DPF3: variants seen among roughly 807,000 people sequenced by gnomAD.
DPF3 encodes the protein zinc finger protein DPF3.
Under a neutral mutation model 56.8 loss-of-function variants are expected in DPF3, and 18 were observed. The observed-to-expected ratio is 0.32, with a 90% CI of 0.22 to 0.47. DPF3 has a LOEUF of 0.47. Ranked by LOEUF, DPF3 falls within the 20% of genes least tolerant of loss-of-function variation. The pLI, the probability that DPF3 is intolerant of heterozygous loss-of-function variation, is 1.00. For synonymous variants in DPF3, 188 were observed against 180.2 expected, an observed-to-expected ratio of 1.04 and a Z score of -0.35; for missense variants, 403 against 488.8, an observed-to-expected ratio of 0.82 and a Z score of 1.65.
intron 5 of DPF3, 131 bp from the exon 6 acceptor site, chr14:72,714,632 G>A (rs552320214): frequency 5.1e-6 from 5 of 987,582 alleles, no homozygotes; most frequent in Admixed American, 2.4e-5. Context: ...ATCTTACAGG[G>A]GAGGAAACTG....
At chr14:72,866,205 T>C (rs1427981964) in intron 1 of DPF3, among the ~76,000 whole-genome samples, 1 of 152,062 alleles carries the variant, frequency 6.6e-6, no homozygotes, top group African/African-American at 2.4e-5. Flanking sequence ...ACCAGGCACA[T>C]TCCCACCACC....
chr14:72,881,330 T>C (rs929979392), intron 1 of DPF3, among the ~76,000 whole-genome samples: 10 of 145,108 alleles, frequency 6.9e-5, no homozygotes, highest in South Asian at 2.1e-4. Flanking sequence ...GTTGTTGTTG[T>C]TGTTGCTGTT....
At chr14:72,749,846 T>G (rs184538470) in intron 3 of DPF3, among the ~76,000 whole-genome samples, 1,586 of 122,848 alleles carry the variant, frequency 0.013, 25 homozygotes, top group African/African-American at 0.046. Context: ...AGACCCTGTT[T>G]AAAAAAAAAA....
intron 1 of DPF3, among the ~76,000 whole-genome samples, chr14:72,821,839 C>G (rs1450631070): frequency 7.5e-5 from 3 of 40,114 alleles, no homozygotes; most frequent in Non-Finnish European, 1.4e-4. Flanking sequence ...GAGCTCATCT[C>G]CACTAAATTT....
At chr14:72,885,011 C>T (rs1390036710) in intron 1 of DPF3, among the ~76,000 whole-genome samples, 2 of 121,058 alleles carry the variant, frequency 1.7e-5, no homozygotes, top group Non-Finnish European at 3.5e-5. Context: ...CCCAGCTACT[C>T]GGGAGGCTGA....
At chr14:72,857,154 A>G (rs545863603) in intron 1 of DPF3, among the ~76,000 whole-genome samples, 31 of 152,110 alleles carry the variant, frequency 2.0e-4, no homozygotes, top group Non-Finnish European at 4.1e-4. Context: ...GCTTAGAATA[A>G]CTATTTGCTA....
At chr14:72,802,788 T>G (rs1892940847) in intron 1 of DPF3, among the ~76,000 whole-genome samples, 1 of 152,242 alleles carries the variant, frequency 6.6e-6, no homozygotes, top group South Asian at 2.1e-4. Flanking sequence ...ATGTGAGTGC[T>G]ATTCCTCACG....
chr14:72,747,670 G>A (rs959430029), intron 3 of DPF3, among the ~76,000 whole-genome samples: 8 of 151,294 alleles, frequency 5.3e-5, no homozygotes, highest in African/African-American at 1.9e-4. Context: ...TTGGCTCTGT[G>A]TCCCCATCCA....
In DPF3 at chr14:72,761,319, G is replaced by T. The variant is rs1459825867; in HGVS notation, c.194-7948C>A. 2.0e-5 allele frequency among the ~76,000 whole-genome samples: 3 copies of T among 151,980 alleles called. No individual in the cohort carries two copies. The East Asian group carries it at 5.8e-4, about 29-fold the overall frequency. On this transcript the variant is annotated intron_variant, in intron 2 of 10. Coordinates refer to ENST00000556509, the MANE Select transcript of DPF3 (RefSeq NM_001280542.3). Reference sequence around the variant, plus strand: ...TATTTACCAAGGTAGACCACATTTGGTGCCATAAAACAAGTTGCAATAAAT... The same window carrying T: ...TATTTACCAAGGTAGACCACATTTGTTGCCATAAAACAAGTTGCAATAAAT...
chr14:72,699,346 C>T (rs1230784361), intron 6 of DPF3, among the ~76,000 whole-genome samples: 1 of 151,672 alleles, frequency 6.6e-6, no homozygotes, highest in Non-Finnish European at 1.5e-5. Context: ...ATAGCAAGGC[C>T]CCATCTCTGC....
Position 72,609,927 on chromosome 14 carries a change from C to T in DPF3, c.*9370G>A, listed in dbSNP as rs564220729. On this transcript the variant is annotated 3_prime_UTR_variant, in exon 11 of 11. Coordinates refer to ENST00000556509, the MANE Select transcript of DPF3 (RefSeq NM_001280542.3). ...AAAACCTCATCTGCAAGAGGCAATG[C>T]GGCGTTGGGTCCCAAGGATCAGTGG... 2.6e-5 allele frequency among the ~76,000 whole-genome samples: 4 copies of T among 152,210 alleles called. No homozygotes were observed. The highest frequency in any genetic ancestry group is 6.5e-5 in the Admixed American group (1 of 15,282).
chr14:72,775,854 GTTAA>G (rs1424648882), intron 1 of DPF3, among the ~76,000 whole-genome samples: 5 of 152,070 alleles, frequency 3.3e-5, no homozygotes, highest in Non-Finnish European at 7.4e-5. Context: ...TTCTCCAAAA[GTTAA>G]TTAGCCAAAA....
chr14:72,881,973 G>A (rs913744741), intron 1 of DPF3, among the ~76,000 whole-genome samples: 3 of 152,172 alleles, frequency 2.0e-5, no homozygotes, highest in African/African-American at 7.2e-5. Context: ...GGATGAAGAG[G>A]TATTGTCTGA....
intron 1 of DPF3, among the ~76,000 whole-genome samples, chr14:72,800,369 AATAG>A (rs1892821632): frequency 7.3e-6 from 1 of 136,140 alleles, no homozygotes; most frequent in Non-Finnish European, 1.6e-5. Context: ...TAGATGGATA[AATAG>A]ATAAATGGAT....
intron 1 of DPF3, among the ~76,000 whole-genome samples, chr14:72,805,356 G>A (rs1247008967): frequency 6.6e-6 from 1 of 152,006 alleles, no homozygotes; most frequent in Non-Finnish European, 1.5e-5. Flanking sequence ...TGTAATCCCA[G>A]CTACTCAGGA....
intron 1 of DPF3, among the ~76,000 whole-genome samples, chr14:72,809,483 C>T (rs1490587934): frequency 6.6e-6 from 1 of 152,210 alleles, no homozygotes; most frequent in East Asian, 1.9e-4. Context: ...AACTTATGTG[C>T]AGGCATGATG....
Position 72,701,515 on chromosome 14 carries a change from C to T in DPF3, c.605-8302G>A, listed in dbSNP as rs79376637. 1.4e-3 allele frequency among the ~76,000 whole-genome samples: 214 copies of T among 152,316 alleles called. 8 individuals carry two copies. The East Asian group carries it at 0.026, about 19-fold the overall frequency. ...TATTTACTGCACGCCCCCTGCCCTC[C>T]TTCAAACCTACCCCACTCCTAGTCT... On this transcript the variant is annotated intron_variant, in intron 6 of 10. Transcript: ENST00000556509.
chr14:72,765,788 A>G (rs1281426101), intron 2 of DPF3, among the ~76,000 whole-genome samples: 2 of 152,132 alleles, frequency 1.3e-5, no homozygotes, highest in African/African-American at 4.8e-5. Context: ...TCTACTAAAA[A>G]TACAAAAATA....
At chr14:72,644,252 C>A (rs1885647459) in intron 8 of DPF3, among the ~76,000 whole-genome samples, 1 of 152,328 alleles carries the variant, frequency 6.6e-6, no homozygotes, top group East Asian at 1.9e-4. Flanking sequence ...CGTATTACCT[C>A]TGCATGCATT....
Sources: gnomAD v4.1 joint callset for allele counts (sites outside exome capture counted in the v4.1 genomes callset) on GRCh38, gnomAD v4.1.1 for gene constraint, MANE v1.5 for transcripts, NCBI Gene and HGNC (gene_info 2026-07-23, HGNC 2026-07-21) for gene names.